The following ASB2 variants were observed in gnomAD, a reference collection of about 807,000 sequenced individuals.
The protein encoded by ASB2 is ankyrin repeat and SOCS box protein 2.
Under a neutral mutation model 62.4 loss-of-function variants are expected in ASB2, and 58 were observed. The ratio of observed to expected loss-of-function variants is 0.93; its 90% confidence interval spans 0.75 to 1.16. The LOEUF (loss-of-function observed/expected upper bound fraction) is 1.16, where lower values mean the gene tolerates loss of function less well. Among genes scored for constraint, ASB2 ranks in the 50% most tolerant of loss-of-function variants. The probability of loss-of-function intolerance (pLI) is 0.00; values close to 1 mark genes in which losing one functional copy is unlikely to be tolerated. For synonymous variants in ASB2, 386 were observed against 385.3 expected, an observed-to-expected ratio of 1.00 and a Z score of -0.02; for missense variants, 928 against 887.9, an observed-to-expected ratio of 1.05 and a Z score of -0.57.
chr14:93,971,496 T>C (rs977494817), intron 1 of ASB2, among the ~76,000 whole-genome samples: 6 of 152,220 alleles, frequency 3.9e-5, no homozygotes, highest in Admixed American at 1.3e-4. Flanking sequence ...CATTTAATGG[T>C]GCTGAACACA....
intron 7 of ASB2, among the ~76,000 whole-genome samples, chr14:93,942,461 G>C (rs941004340): frequency 6.6e-6 from 1 of 152,170 alleles, no homozygotes; most frequent in African/African-American, 2.4e-5. Flanking sequence ...TCTGACCTTG[G>C]ACCTCATTCC....
chr14:93,951,311 T>C, intron 5 of ASB2, 67 bp from the exon 6 acceptor site: 1 of 1,518,784 alleles, frequency 6.6e-7, no homozygotes, highest in South Asian at 1.3e-5. Context: ...GAGACTGCAT[T>C]CATTCGCCTG....
chr14:93,965,764 A>ATGGG (rs1889570382), intron 1 of ASB2, among the ~76,000 whole-genome samples: 1 of 152,168 alleles, frequency 6.6e-6, no homozygotes, highest in Non-Finnish European at 1.5e-5. Context: ...CCCTGTTGAT[A>ATGGG]TGGGTCTCAA....
chr14:93,970,371 G>A (rs573656260), intron 1 of ASB2, among the ~76,000 whole-genome samples: 5 of 152,254 alleles, frequency 3.3e-5, no homozygotes, highest in South Asian at 2.1e-4. Context: ...GGAGCTGCTC[G>A]TCAGCCTACC....
At chr14:93,942,580 CA>C (rs1403856516) in intron 7 of ASB2, among the ~76,000 whole-genome samples, 2 of 152,234 alleles carry the variant, frequency 1.3e-5, no homozygotes, top group Non-Finnish European at 2.9e-5. Flanking sequence ...CTCAGAGCAG[CA>C]GCCTTGCCAT....
chr14:93,940,275 T>C (rs1888466046), intron 7 of ASB2: 1 of 152,378 alleles, frequency 6.6e-6, no homozygotes, highest in Non-Finnish European at 1.5e-5. Context: ...ACAAGTGCGA[T>C]TGGGTTTAAT....
At chr14:93,943,824 A>G (rs1186447723) in intron 7 of ASB2, 1 of 401,120 alleles carries the variant, frequency 2.5e-6, no homozygotes, top group Non-Finnish European at 4.9e-6. Context: ...CTTGCTTGTC[A>G]GTGTGCTTTA....
intron 9 of ASB2, among the ~76,000 whole-genome samples, chr14:93,935,229 C>T (rs1277106604): frequency 6.6e-6 from 1 of 152,170 alleles, no homozygotes; most frequent in Non-Finnish European, 1.5e-5. Flanking sequence ...CAACTTGGAG[C>T]TCCCAGTGGT....
At chr14:93,955,267 G>C (rs1221964314) in intron 3 of ASB2, 1 of 419,330 alleles carries the variant, frequency 2.4e-6, no homozygotes, top group Non-Finnish European at 4.8e-6. Flanking sequence ...GCTAGGATGG[G>C]CTCTGGGCGG....
At chr14:93,969,574 G>GC (rs1168244563) in intron 1 of ASB2, among the ~76,000 whole-genome samples, 1 of 152,200 alleles carries the variant, frequency 6.6e-6, no homozygotes, top group Non-Finnish European at 1.5e-5. Context: ...GGCCTTCTGG[G>GC]CCTAAGTCTT....
At chr14:93,936,689 G>A (rs1236205752) in intron 9 of ASB2, among the ~76,000 whole-genome samples, 1 of 152,186 alleles carries the variant, frequency 6.6e-6, no homozygotes, top group African/African-American at 2.4e-5. Context: ...GGAGGAATGT[G>A]GTGAGTCAGA....
At chr14:93,938,985 T>C in intron 8 of ASB2, 123 bp downstream of exon 8, 1 of 867,344 alleles carries the variant, frequency 1.2e-6, no homozygotes, top group Non-Finnish European at 1.6e-6. Flanking sequence ...AGGGTGTTAA[T>C]CACTAGTCCA....
At chr14:93,943,160 A>T (rs1369804349) in intron 7 of ASB2, among the ~76,000 whole-genome samples, 1 of 152,206 alleles carries the variant, frequency 6.6e-6, no homozygotes, top group Non-Finnish European at 1.5e-5. Flanking sequence ...TCTTTCACCA[A>T]GGCTGCTTCT....
At chr14:93,951,451 T>C (rs1327202974) in intron 5 of ASB2, among the ~76,000 whole-genome samples, 1 of 152,270 alleles carries the variant, frequency 6.6e-6, no homozygotes. Context: ...TGCTGATTCA[T>C]ATGCCTAGTA....
At chr14:93,964,172 A>C (rs996536278) in intron 2 of ASB2, among the ~76,000 whole-genome samples, 162 bp downstream of exon 2, 3 of 152,228 alleles carry the variant, frequency 2.0e-5, no homozygotes, top group African/African-American at 7.2e-5. Context: ...TACCTGGCAC[A>C]GCCAGAGCTT....
Position 93,964,577 on chromosome 14 carries a change from C to T in ASB2, c.-38G>A. On this transcript the variant is annotated 5_prime_UTR_variant, in exon 2 of 10. The change creates a new upstream start codon in the 5' untranslated region. Coordinates refer to ENST00000555019, the MANE Select transcript of ASB2 (RefSeq NM_001202429.2). The stretch of plus-strand genomic sequence containing the variant: ...CTCACCCTGGCCTCCAGAACAGACA[C>T]CCAGTGGGGAGGAGGGAACAGCAAA... The T allele has an allele frequency of 3.3e-6, 5 of 1,524,944 alleles. No individual in the cohort carries two copies. Among genetic ancestry groups the T allele is most frequent in the South Asian group, 1.2e-5 (1 of 83,826 alleles). 94.5% of individuals were successfully genotyped at this position (1,524,944 alleles called of 1,614,324 possible).
chr14:93,960,982 A>AATAAATAAATAAATAAATAT (rs1889389124), intron 2 of ASB2, among the ~76,000 whole-genome samples: 3 of 150,418 alleles, frequency 2.0e-5, no homozygotes. Flanking sequence ...TAAATAAATA[A>AATAAATAAATAAATAAATAT]ATAAACAGTA....
chr14:93,954,392 T>C lies in ASB2; in HGVS notation c.403A>G (p.Asn135Asp), dbSNP rs753811350. 3 of 1,613,586 alleles carry C rather than the reference T, an allele frequency of 1.9e-6. No homozygotes were observed. Among genetic ancestry groups the C allele is most frequent in the Non-Finnish European group, 2.5e-6 (3 of 1,179,586 alleles). The change falls in exon 4 of 10, where the codon AAC becomes GAC. Residue 135 changes from asparagine to aspartate, a missense_variant. Asn to Asp is a conservative substitution (Grantham distance 23, BLOSUM62 1). Transcript: ENST00000555019. ...IKEGKNLAEP[N>D]KEGWLPLHEA... ...TGCAGCGGCAGCCAGCCCTCCTTGT[T>C]GGGCTCTGCGAGATTCTTCCCTTCC... is the stretch of plus-strand genomic sequence containing the variant.
At chr14:93,950,559 A>G (rs1888914441) in intron 6 of ASB2, among the ~76,000 whole-genome samples, 1 of 152,148 alleles carries the variant, frequency 6.6e-6, no homozygotes. Flanking sequence ...ATGTTGCTTG[A>G]GGTTCCTTCT....
Sources: gnomAD v4.1 joint callset for allele counts (sites outside exome capture counted in the v4.1 genomes callset) on GRCh38, gnomAD v4.1.1 for gene constraint, MANE v1.5 for transcripts, NCBI Gene and HGNC (gene_info 2026-07-23, HGNC 2026-07-21) for gene names.